RAD51B: variants seen among roughly 807,000 people sequenced by gnomAD.
The protein encoded by RAD51B is DNA repair protein RAD51 homolog 2.
RAD51B carries 38 observed loss-of-function variants against 42.2 expected under a neutral mutation model. The observed-to-expected ratio is 0.90, with a 90% CI of 0.70 to 1.18. The LOEUF (loss-of-function observed/expected upper bound fraction) is 1.18. Among genes scored for constraint, RAD51B ranks in the 50% most tolerant of loss-of-function variants. The pLI is 0.00. For missense variants in RAD51B, 373 were observed against 400.7 expected (o/e 0.93, Z 0.59); for synonymous variants, 154 against 145.2 (o/e 1.06, Z -0.43).
At chr14:68,038,718 G>A (rs2076171622) in intron 7 of RAD51B, among the ~76,000 whole-genome samples, 1 of 152,028 alleles carries the variant, frequency 6.6e-6, no homozygotes. Flanking sequence ...ATGATGTGTT[G>A]GAGGCAGCCC....
intron 7 of RAD51B, among the ~76,000 whole-genome samples, chr14:68,059,055 A>G (rs560720853): frequency 6.6e-6 from 1 of 152,232 alleles, no homozygotes; most frequent in African/African-American, 2.4e-5. Context: ...TTCATGGGTT[A>G]TTCATGGCTA....
At chr14:68,327,287 T>C (rs2082267644) in intron 8 of RAD51B, among the ~76,000 whole-genome samples, 1 of 152,088 alleles carries the variant, frequency 6.6e-6, no homozygotes, top group South Asian at 2.1e-4. Context: ...TCCCGCCACA[T>C]TTTTTTGGTG....
chr14:68,200,028 G>T (rs952027159), intron 7 of RAD51B, among the ~76,000 whole-genome samples: 11 of 151,982 alleles, frequency 7.2e-5, no homozygotes, highest in Admixed American at 1.3e-4. Context: ...TTTCCTTTTT[G>T]CTTTTTCTTT....
At chr14:68,366,021 TC>T (rs1250308469) in intron 8 of RAD51B, among the ~76,000 whole-genome samples, 3 of 152,250 alleles carry the variant, frequency 2.0e-5, no homozygotes, top group African/African-American at 7.2e-5. Context: ...AAGACTAGTG[TC>T]GCTTTTTGAT....
At chr14:68,362,051 G>T (rs1415756397) in intron 8 of RAD51B, among the ~76,000 whole-genome samples, 1 of 152,084 alleles carries the variant, frequency 6.6e-6, no homozygotes, top group Non-Finnish European at 1.5e-5. Context: ...ATCTAAGGTG[G>T]CTGAATATCG....
At chr14:67,865,218 C>A in intron 5 of RAD51B, 79 bp downstream of exon 5, 15 of 1,225,006 alleles carry the variant, frequency 1.2e-5, no homozygotes, top group Non-Finnish European at 1.6e-5. Flanking sequence ...CATAGGTTAA[C>A]ATTTACCACC....
chr14:68,379,770 A>G (rs1030727551), intron 8 of RAD51B, among the ~76,000 whole-genome samples: 3 of 152,226 alleles, frequency 2.0e-5, no homozygotes, highest in African/African-American at 7.2e-5. Flanking sequence ...CAAGAGAATT[A>G]TTAGTGACCA....
At chr14:68,143,020 T>TGG (rs201144629) in intron 7 of RAD51B, among the ~76,000 whole-genome samples, 2 of 121,010 alleles carry the variant, frequency 1.7e-5, no homozygotes, top group Admixed American at 8.4e-5. Context: ...GGCGAGGGGG[T>TGG]GGGGGGGGAG....
At chr14:67,912,367 G>A (rs1269827901) in intron 7 of RAD51B, among the ~76,000 whole-genome samples, 2 of 152,068 alleles carry the variant, frequency 1.3e-5, no homozygotes, top group Non-Finnish European at 2.9e-5. Context: ...TGGTACACTA[G>A]GCATTATGCT....
chr14:67,837,576 TC>T, intron 4 of RAD51B, among the ~76,000 whole-genome samples: 1 of 152,264 alleles, frequency 6.6e-6, no homozygotes, highest in Middle Eastern at 3.4e-3. Flanking sequence ...GCTTCTTCAA[TC>T]TTTTTTGTTT....
intron 8 of RAD51B, chr14:68,339,245 C>G: frequency 8.7e-7 from 1 of 1,145,796 alleles, no homozygotes; most frequent in South Asian, 1.3e-5. Flanking sequence ...CCAGCTTAAG[C>G]AGCTGAGTAG....
intron 7 of RAD51B, among the ~76,000 whole-genome samples, chr14:68,171,416 C>T (rs938080063): frequency 6.6e-6 from 1 of 152,162 alleles, no homozygotes; most frequent in Non-Finnish European, 1.5e-5. Flanking sequence ...TCTCCTGCCT[C>T]AGCCTCCCAA....
chr14:68,370,476 A>G (rs1231842683), intron 8 of RAD51B, among the ~76,000 whole-genome samples: 2 of 152,220 alleles, frequency 1.3e-5, no homozygotes, highest in East Asian at 3.9e-4. Context: ...ATTTTATCCT[A>G]AGCATAATGC....
At chr14:68,133,295 C>G (rs17105020) in intron 7 of RAD51B, among the ~76,000 whole-genome samples, 2,085 of 152,266 alleles carry the variant, frequency 0.014, 20 homozygotes, top group African/African-American at 0.019. Context: ...AAGGATTACT[C>G]TGTTTGGAAA....
intron 7 of RAD51B, among the ~76,000 whole-genome samples, chr14:67,916,441 C>T (rs369014689): frequency 6.6e-6 from 1 of 152,042 alleles, no homozygotes; most frequent in African/African-American, 2.4e-5. Flanking sequence ...GGGGTTTCGC[C>T]ATGTTGCCCA....
In RAD51B at chr14:68,290,033, C is replaced by T. The variant is rs1049052442; in HGVS notation, c.757-1851C>T. The stretch of plus-strand genomic sequence containing the variant: ...CTTTACCTGACCTTGCCGTCCCGGT[C>T]CCTCTCAGCCCTCAATTAAGCTGCC... On this transcript the variant is annotated intron_variant, in intron 7 of 10. Coordinates refer to ENST00000471583, the MANE Select transcript of RAD51B (RefSeq NM_133510.4). Among the ~76,000 whole-genome samples the T allele has an allele frequency of 1.3e-5, 2 of 152,176 alleles. 1 individual carries two copies. The highest frequency in any genetic ancestry group is 4.1e-4 in the South Asian group (2 of 4,830).
At chr14:68,120,919 C>A (rs1375616943) in intron 7 of RAD51B, among the ~76,000 whole-genome samples, 4 of 152,078 alleles carry the variant, frequency 2.6e-5, no homozygotes, top group Non-Finnish European at 5.9e-5. Flanking sequence ...TACTCTCTGG[C>A]TGAACCATGC....
intron 10 of RAD51B, among the ~76,000 whole-genome samples, chr14:68,521,964 A>C (rs1485347780): frequency 6.6e-6 from 1 of 152,224 alleles, no homozygotes; most frequent in Non-Finnish European, 1.5e-5. Context: ...AACTGACTTC[A>C]CAGCAACGCT....
At chr14:68,341,073 G>A (rs1040577951) in intron 8 of RAD51B, among the ~76,000 whole-genome samples, 1 of 152,192 alleles carries the variant, frequency 6.6e-6, no homozygotes, top group African/African-American at 2.4e-5. Flanking sequence ...GATGAGCTGG[G>A]CAGAGAGAAT....
Sources: gnomAD v4.1 joint callset for allele counts (sites outside exome capture counted in the v4.1 genomes callset) on GRCh38, gnomAD v4.1.1 for gene constraint, MANE v1.5 for transcripts, NCBI Gene and HGNC (gene_info 2026-07-23, HGNC 2026-07-21) for gene names.